The following ZMYND8 variants were observed in gnomAD, a reference collection of about 807,000 sequenced individuals.
The protein encoded by ZMYND8 is MYND-type zinc finger-containing chromatin reader ZMYND8.
ZMYND8 carries 37 observed loss-of-function variants against 140.8 expected under a neutral mutation model. That is an observed-to-expected ratio of 0.26 (90% confidence interval 0.20 to 0.35). The LOEUF is 0.35. Ranked by LOEUF, ZMYND8 falls within the 10% of genes least tolerant of loss-of-function variation. The pLI, the probability that ZMYND8 is intolerant of heterozygous loss-of-function variation, is 1.00. For synonymous variants in ZMYND8, 592 were observed against 597.1 expected, an observed-to-expected ratio of 0.99 and a Z score of 0.12; for missense variants, 1,068 against 1,570.0, an observed-to-expected ratio of 0.68 and a Z score of 5.40.
chr20:47,312,915 C>T (rs954318914), intron 2 of ZMYND8, among the ~76,000 whole-genome samples: 4 of 152,134 alleles, frequency 2.6e-5, no homozygotes, highest in African/African-American at 9.7e-5. Context: ...AACTTTTTCT[C>T]CACTTGGCCT....
At chr20:47,267,168 G>T (rs192283926) in intron 11 of ZMYND8, among the ~76,000 whole-genome samples, 22 of 150,666 alleles carry the variant, frequency 1.5e-4, no homozygotes, top group African/African-American at 5.4e-4. Flanking sequence ...TCATTTCACT[G>T]AAACAAAATA....
intron 19 of ZMYND8, among the ~76,000 whole-genome samples, chr20:47,221,826 C>T (rs868389173): frequency 2.0e-5 from 3 of 152,138 alleles, no homozygotes; most frequent in South Asian, 2.1e-4. Flanking sequence ...CCACCATGTC[C>T]GACTAATTTT....
At chr20:47,293,559 G>A (rs1225594706) in intron 5 of ZMYND8, among the ~76,000 whole-genome samples, 1 of 152,156 alleles carries the variant, frequency 6.6e-6, no homozygotes, top group African/African-American at 2.4e-5. Flanking sequence ...AAAAGTCACT[G>A]GTTGAGTTTT....
chr20:47,251,998 GAAAGA>G (rs2074223084), intron 12 of ZMYND8, among the ~76,000 whole-genome samples: 1 of 151,720 alleles, frequency 6.6e-6, no homozygotes, highest in Non-Finnish European at 1.5e-5. Flanking sequence ...AAAAAAGAAA[GAAAGA>G]AAAGAGAAAT....
intron 9 of ZMYND8, 135 bp from the exon 10 acceptor site, chr20:47,282,352 G>A (rs1184076908): frequency 4.4e-6 from 3 of 676,602 alleles, no homozygotes; most frequent in Non-Finnish European, 7.3e-6. Context: ...AGCAGGGTCG[G>A]CCTGTGTGGT....
At chr20:47,339,313 G>A (rs533065793) in intron 2 of ZMYND8, among the ~76,000 whole-genome samples, 5 of 152,150 alleles carry the variant, frequency 3.3e-5, no homozygotes, top group South Asian at 2.1e-4. Flanking sequence ...GGGGTCTTCC[G>A]GGCATGGTTT....
intron 11 of ZMYND8, among the ~76,000 whole-genome samples, chr20:47,266,104 G>T (rs2075501296): frequency 6.6e-6 from 1 of 152,106 alleles, no homozygotes; most frequent in Admixed American, 6.5e-5. Flanking sequence ...ACCCTCCTCT[G>T]CATCTCCCTG....
At chr20:47,281,996 G>T in intron 10 of ZMYND8, 106 bp downstream of exon 10, 1 of 940,402 alleles carries the variant, frequency 1.1e-6, no homozygotes, top group Non-Finnish European at 1.6e-6. Context: ...TTGGTATCAT[G>T]ACAATAATGA....
chr20:47,347,868 T>C lies in ZMYND8; in HGVS notation c.73A>G (p.Thr25Ala). The C allele has an allele frequency of 6.2e-7, 1 of 1,613,878 alleles. No individual in the cohort carries two copies. The highest frequency in any genetic ancestry group is 1.3e-5 in the African/African-American group (1 of 75,046). ...GATTTTTACTCACCTTTGGAGCGAGTAGAGATATCCATGCCCTCTACCACC... is the reference window on the plus strand; with the variant it reads ...GATTTTTACTCACCTTTGGAGCGAGCAGAGATATCCATGCCCTCTACCACC... ...QEVVEGMDIS[T>A]RSKDPGSAER... Residue 25 changes from threonine (T) to alanine (A), a missense_variant, in exon 2 of 23, where the codon ACT (threonine) becomes GCT (alanine). Thr to Ala is a moderately conservative substitution (Grantham distance 58). Coordinates refer to ENST00000471951, the MANE Select transcript of ZMYND8 (RefSeq NM_001281775.3).
chr20:47,349,947 G>T, intron 1 of ZMYND8: 3 of 1,535,186 alleles, frequency 2.0e-6, no homozygotes, highest in Middle Eastern at 1.7e-4. Flanking sequence ...TATTTGGCTT[G>T]TAACAGCCTA....
chr20:47,218,127 C>A (rs1322951522), intron 21 of ZMYND8, among the ~76,000 whole-genome samples: 1 of 152,178 alleles, frequency 6.6e-6, no homozygotes, highest in African/African-American at 2.4e-5. Context: ...TACTAAATGG[C>A]CCTCTATGGA....
intron 1 of ZMYND8, among the ~76,000 whole-genome samples, chr20:47,350,308 G>A (rs376237879): frequency 3.5e-4 from 48 of 136,034 alleles, no homozygotes; most frequent in African/African-American, 1.2e-3. Flanking sequence ...GGAAACTGCA[G>A]TGTCTATGCA....
chr20:47,307,984 G>A (rs565606558), intron 3 of ZMYND8, among the ~76,000 whole-genome samples: 195 of 151,432 alleles, frequency 1.3e-3, no homozygotes, highest in Non-Finnish European at 2.0e-3. Context: ...TGGGCACAGC[G>A]GCGGGCGCCT....
chr20:47,278,359 G>A (rs1340452891), intron 10 of ZMYND8, among the ~76,000 whole-genome samples: 1 of 152,226 alleles, frequency 6.6e-6, no homozygotes, highest in East Asian at 1.9e-4. Context: ...AGGGGACTTT[G>A]CAGAAGCAGA....
intron 1 of ZMYND8, among the ~76,000 whole-genome samples, chr20:47,352,179 C>G (rs2082840479): frequency 6.6e-6 from 1 of 152,164 alleles, no homozygotes; most frequent in Non-Finnish European, 1.5e-5. Flanking sequence ...GGAGGAAGCC[C>G]GGTCCCCCTT....
chr20:47,321,833 C>T (rs1472207098), intron 2 of ZMYND8, among the ~76,000 whole-genome samples: 4 of 148,960 alleles, frequency 2.7e-5, no homozygotes, highest in Non-Finnish European at 5.9e-5. Context: ...ATACAAATAT[C>T]GATTTATTTA....
chr20:47,308,696 T>G (rs1319738213), intron 3 of ZMYND8, among the ~76,000 whole-genome samples: 1 of 152,144 alleles, frequency 6.6e-6, no homozygotes, highest in East Asian at 1.9e-4. Flanking sequence ...TTTCAGTAGA[T>G]GAGAAAACTA....
At chr20:47,217,362 T>C (rs191159243) in intron 21 of ZMYND8, among the ~76,000 whole-genome samples, 327 of 152,256 alleles carry the variant, frequency 2.1e-3, no homozygotes, top group Middle Eastern at 0.017. Flanking sequence ...CAAAGCTCAA[T>C]TGGTTGCATA....
At chr20:47,350,608 T>C (rs904357167) in intron 1 of ZMYND8, among the ~76,000 whole-genome samples, 6 of 152,140 alleles carry the variant, frequency 3.9e-5, no homozygotes, top group South Asian at 4.1e-4. Context: ...TTAAGAACTG[T>C]TCAGTCATTT....
Sources: gnomAD v4.1 joint callset for allele counts (sites outside exome capture counted in the v4.1 genomes callset) on GRCh38, gnomAD v4.1.1 for gene constraint, MANE v1.5 for transcripts, NCBI Gene and HGNC (gene_info 2026-07-23, HGNC 2026-07-21) for gene names.